Variants in FOXP2 observed in about 807,000 individuals in gnomAD.
The protein encoded by FOXP2 is forkhead box P2.
In FOXP2, 12 loss-of-function variants were observed where a neutral mutation model predicts 115.8. The observed-to-expected ratio is 0.10, with a 90% CI of 0.07 to 0.17. The LOEUF (loss-of-function observed/expected upper bound fraction) is 0.17. FOXP2 is among the 10% of genes least tolerant of loss of function. The pLI is 1.00. For missense variants in FOXP2, 629 were observed against 843.5 expected, an observed-to-expected ratio of 0.75 and a Z score of 3.15; for synonymous variants, 328 against 297.7, an observed-to-expected ratio of 1.10 and a Z score of -1.05.
In FOXP2 at chr7:114,692,799, T is replaced by G; in HGVS notation, c.*2873T>G. The G allele has an allele frequency of 2.2e-6, 1 of 446,562 alleles. No homozygotes were observed. The highest frequency in any genetic ancestry group is 1.6e-5 in the South Asian group (1 of 62,800). 27.7% of individuals were successfully genotyped at this position (446,562 alleles called of 1,614,324 possible). On this transcript the variant is annotated 3_prime_UTR_variant, in exon 17 of 17. Coordinates refer to ENST00000350908, the MANE Select transcript of FOXP2 (RefSeq NM_014491.4). ...TTAAACTGTAGCACAAACATCTGTT[T>G]ATGTATTGGTGGAATATACCTGTTT...
intron 3 of FOXP2, among the ~76,000 whole-genome samples, chr7:114,583,353 G>A (rs1481854913): frequency 1.3e-5 from 2 of 151,996 alleles, no homozygotes; most frequent in Non-Finnish European, 2.9e-5. Flanking sequence ...ACTCCAGCCT[G>A]GGCAACAGAG....
At chr7:114,399,818 C>G (rs1419693667) in intron 2 of FOXP2, among the ~76,000 whole-genome samples, 1 of 151,118 alleles carries the variant, frequency 6.6e-6, no homozygotes, top group Non-Finnish European at 1.5e-5. Flanking sequence ...ACATCCAAAC[C>G]TTAATTTCGA....
At chr7:114,225,423 C>T (rs1172280088) in intron 1 of FOXP2, among the ~76,000 whole-genome samples, 1 of 151,226 alleles carries the variant, frequency 6.6e-6, no homozygotes, top group Non-Finnish European at 1.5e-5. Flanking sequence ...AGTAATTTCA[C>T]TGTTGTTTAT....
At chr7:114,585,419 C>A (rs1802082483) in intron 3 of FOXP2, among the ~76,000 whole-genome samples, 1 of 152,174 alleles carries the variant, frequency 6.6e-6, no homozygotes, top group South Asian at 2.1e-4. Flanking sequence ...GTTCTATGGG[C>A]CAACCAAATC....
At chr7:114,490,626 G>C (rs938948004) in intron 2 of FOXP2, among the ~76,000 whole-genome samples, 6 of 151,980 alleles carry the variant, frequency 3.9e-5, no homozygotes, top group Non-Finnish European at 8.8e-5. Context: ...TTTAACATTA[G>C]GTAAATCTCC....
At chr7:114,164,919 T>C (rs1488556802) in intron 1 of FOXP2, among the ~76,000 whole-genome samples, 2 of 152,036 alleles carry the variant, frequency 1.3e-5, no homozygotes, top group East Asian at 3.9e-4. Flanking sequence ...TTATAGTGGT[T>C]GAACTGCAGA....
At chr7:114,589,899 C>T (rs1327399939) in intron 3 of FOXP2, among the ~76,000 whole-genome samples, 1 of 151,798 alleles carries the variant, frequency 6.6e-6, no homozygotes, top group African/African-American at 2.4e-5. Context: ...GGTGCCTTTT[C>T]TGTTTTTGTT....
intron 1 of FOXP2, among the ~76,000 whole-genome samples, chr7:114,229,744 C>T (rs760983321): frequency 1.3e-5 from 2 of 150,608 alleles, no homozygotes; most frequent in African/African-American, 2.4e-5. Flanking sequence ...GTCACAAAAG[C>T]AATACCAAGA....
At chr7:114,229,185 A>G (rs577529758) in intron 1 of FOXP2, among the ~76,000 whole-genome samples, 6 of 151,110 alleles carry the variant, frequency 4.0e-5, no homozygotes, top group Non-Finnish European at 8.9e-5. Flanking sequence ...GAGTAAATTC[A>G]TCATGAAGAT....
intron 16 of FOXP2, chr7:114,666,865 C>A (rs1807189856): frequency 6.6e-6 from 1 of 152,116 alleles, no homozygotes; most frequent in Non-Finnish European, 1.5e-5. Flanking sequence ...CTTCTTATTT[C>A]ATAAGATTCT....
intron 6 of FOXP2, among the ~76,000 whole-genome samples, chr7:114,632,772 A>C (rs1400606561): frequency 6.6e-6 from 1 of 152,160 alleles, no homozygotes; most frequent in Non-Finnish European, 1.5e-5. Context: ...CTAGGAAATC[A>C]AAAAAGATAA....
rs1239688641 is a variant in FOXP2, at chr7:114,646,449, GTCT to G, written c.1094+1665_1094+1667del. Among the ~76,000 whole-genome samples the G allele has an allele frequency of 2.0e-5, 3 of 151,866 alleles. No individual in the cohort carries two copies. The East Asian group carries it at 5.8e-4, about 29-fold the overall frequency. On this transcript the variant is annotated intron_variant, in intron 8 of 16. Coordinates refer to ENST00000350908, the MANE Select transcript of FOXP2 (RefSeq NM_014491.4). ...ATGAACCCTCATTTTACCTTAAATA[GTCT>G]TCTTTCATATTCATGCCAGTGTTTT...
chr7:114,512,357 T>C (rs1798118620), intron 2 of FOXP2, among the ~76,000 whole-genome samples: 1 of 152,198 alleles, frequency 6.6e-6, no homozygotes, highest in African/African-American at 2.4e-5. Flanking sequence ...AGAAACAGTG[T>C]TGTGTATGAT....
intron 3 of FOXP2, among the ~76,000 whole-genome samples, chr7:114,535,280 T>C (rs1055919640): frequency 6.6e-6 from 1 of 151,644 alleles, no homozygotes; most frequent in African/African-American, 2.4e-5. Flanking sequence ...TTTTGTTACA[T>C]AATATAATCC....
intron 1 of FOXP2, among the ~76,000 whole-genome samples, chr7:114,179,497 T>G (rs1034462057): frequency 1.4e-4 from 21 of 151,954 alleles, no homozygotes; most frequent in African/African-American, 4.8e-4. Flanking sequence ...TTTCAATGCA[T>G]AGAGTAGTGC....
chr7:114,328,597 T>C (rs1181878434), intron 2 of FOXP2, among the ~76,000 whole-genome samples: 1 of 152,182 alleles, frequency 6.6e-6, no homozygotes, highest in East Asian at 1.9e-4. Context: ...TAATAATCCT[T>C]ATAATGGATA....
At chr7:114,218,446 T>C (rs2129163190) in intron 1 of FOXP2, among the ~76,000 whole-genome samples, 1 of 152,254 alleles carries the variant, frequency 6.6e-6, no homozygotes, top group Admixed American at 6.5e-5. Flanking sequence ...TTCTTAAATA[T>C]AGGTCTGGCT....
chr7:114,614,974 A>T (rs1803849829), intron 3 of FOXP2, among the ~76,000 whole-genome samples: 1 of 152,142 alleles, frequency 6.6e-6, no homozygotes, highest in Non-Finnish European at 1.5e-5. Flanking sequence ...TAATCCCAGT[A>T]CTTTAGGAGG....
chr7:114,626,473 G>A (rs952899578), intron 3 of FOXP2, among the ~76,000 whole-genome samples: 1 of 151,452 alleles, frequency 6.6e-6, no homozygotes, highest in Non-Finnish European at 1.5e-5. Context: ...AATAAGGAGC[G>A]GTTATGTAAG....
Sources: allele counts gnomAD v4.1 joint callset (sites outside exome capture counted in the v4.1 genomes callset), GRCh38; gene constraint gnomAD v4.1.1; transcripts MANE v1.5; gene names NCBI Gene and HGNC (gene_info 2026-07-23, HGNC 2026-07-21).